Variants in PPP2R3A observed in about 807,000 individuals in gnomAD.
PPP2R3A encodes the protein serine/threonine-protein phosphatase 2A regulatory subunit B'' subunit alpha.
PPP2R3A carries 80 observed loss-of-function variants against 106.9 expected under a neutral mutation model. That is an observed-to-expected ratio of 0.75 (90% CI 0.62 to 0.90). The LOEUF (loss-of-function observed/expected upper bound fraction) is 0.90. Among genes scored for constraint, PPP2R3A ranks in the 40% least tolerant of loss-of-function variants. PPP2R3A has a pLI of 0.00. For synonymous variants in PPP2R3A, 483 were observed against 468.3 expected, an observed-to-expected ratio of 1.03 and a Z score of -0.41; for missense variants, 1,386 against 1,350.4, an observed-to-expected ratio of 1.03 and a Z score of -0.41.
intron 1 of PPP2R3A, among the ~76,000 whole-genome samples, chr3:135,991,360 C>G (rs1407661428): frequency 1.3e-5 from 2 of 152,010 alleles, no homozygotes; most frequent in Non-Finnish European, 2.9e-5. Flanking sequence ...TAAAAAAATA[C>G]TTAGAAAAGG....
chr3:135,988,040 T>G (rs936718236), intron 1 of PPP2R3A, among the ~76,000 whole-genome samples: 4 of 152,096 alleles, frequency 2.6e-5, no homozygotes, highest in African/African-American at 7.2e-5. Context: ...ATCTGTCCCC[T>G]AAACTCCAGG....
intron 12 of PPP2R3A, among the ~76,000 whole-genome samples, chr3:136,104,053 G>C (rs750737048): frequency 6.6e-6 from 1 of 152,144 alleles, no homozygotes; most frequent in Non-Finnish European, 1.5e-5. Context: ...TGTTGCAGTT[G>C]AGTAACAGTA....
chr3:136,114,357 C>T (rs1937658538), intron 13 of PPP2R3A, among the ~76,000 whole-genome samples: 1 of 152,218 alleles, frequency 6.6e-6, no homozygotes, highest in Non-Finnish European at 1.5e-5. Context: ...AGACACCGAG[C>T]TTCAGGAGTT....
intron 5 of PPP2R3A, among the ~76,000 whole-genome samples, chr3:136,059,372 GA>G (rs1389032382): frequency 2.6e-5 from 4 of 151,920 alleles, no homozygotes; most frequent in Non-Finnish European, 4.4e-5. Flanking sequence ...ACGATCATAT[GA>G]AAAAAAACTC....
At position 136,145,137 on chromosome 3, in the gene PPP2R3A, G is replaced by A. The variant is rs777298828; in HGVS notation, c.3424G>A (p.Gly1142Arg). The A allele has an allele frequency of 1.2e-6, 2 of 1,613,162 alleles. No homozygotes were observed. Among genetic ancestry groups the A allele is most frequent in the Non-Finnish European group, 8.5e-7 (1 of 1,179,622 alleles). The change falls in exon 14 of 14, where the codon GGA becomes AGA. Residue 1142 changes from glycine (G) to arginine (R), a missense_variant. Gly to Arg is a moderately radical substitution (Grantham distance 125). Transcript: ENST00000264977. ...AAGTGCAAGCCTTCCAGAGAAATGT[G>A]GAAAGCTTCAATCAGTGGATGAAGA... ...ILSASLPEKC[G>R]KLQSVDEE
At chr3:136,066,029 G>T (rs2400731) in intron 5 of PPP2R3A, among the ~76,000 whole-genome samples, 142,445 of 152,222 alleles carry the variant, frequency 0.94, 66,775 homozygotes, top group East Asian at 1. Flanking sequence ...GAAAATAAAT[G>T]TGAAATCCTA....
intron 1 of PPP2R3A, among the ~76,000 whole-genome samples, chr3:135,974,813 G>A (rs974029925): frequency 1.3e-5 from 2 of 152,182 alleles, no homozygotes; most frequent in Admixed American, 1.3e-4. Flanking sequence ...TCCTCCAGTT[G>A]AAAAAGCAGC....
chr3:136,084,669 A>G (rs1446386880), intron 8 of PPP2R3A, among the ~76,000 whole-genome samples: 1 of 152,240 alleles, frequency 6.6e-6, no homozygotes, highest in Non-Finnish European at 1.5e-5. Flanking sequence ...GAAAGCAGCA[A>G]GGAAGGGAGC....
chr3:136,103,237 G>T, intron 11 of PPP2R3A, 21 bp from the exon 12 acceptor site: 2 of 1,512,368 alleles, frequency 1.3e-6, no homozygotes, highest in African/African-American at 1.4e-5. Flanking sequence ...AAATTTACCA[G>T]ATTTGTTTAT....
Position 136,030,272 on chromosome 3 carries a change from G to A in PPP2R3A, c.2262+3174G>A, listed in dbSNP as rs1456949988. Among the ~76,000 whole-genome samples the A allele has an allele frequency of 2.7e-5, 4 of 150,662 alleles. No individual in the cohort carries two copies. The East Asian group carries it at 7.8e-4, about 29-fold the overall frequency. ...ATATAATTACCTGGGAAGTTGAGGG[G>A]GATGTGTATATAATTACCTGAAAAG... On this transcript the variant is annotated intron_variant, in intron 3 of 13. Coordinates refer to ENST00000264977, the MANE Select transcript of PPP2R3A (RefSeq NM_002718.5).
intron 4 of PPP2R3A, among the ~76,000 whole-genome samples, chr3:136,043,070 T>G: frequency 6.6e-6 from 1 of 151,686 alleles, no homozygotes; most frequent in African/African-American, 2.4e-5. Flanking sequence ...TTATACAGAA[T>G]TAAAACATTT....
intron 13 of PPP2R3A, among the ~76,000 whole-genome samples, chr3:136,109,361 C>A (rs1032676356): frequency 6.6e-6 from 1 of 152,074 alleles, no homozygotes. Context: ...GCAAATATTT[C>A]TAGATCAGTG....
intron 13 of PPP2R3A, among the ~76,000 whole-genome samples, chr3:136,141,706 C>CATT (rs1303539873): frequency 6.6e-6 from 1 of 152,212 alleles, no homozygotes; most frequent in Non-Finnish European, 1.5e-5. Context: ...TGTACAGTGG[C>CATT]ATTAGGTCCC....
intron 12 of PPP2R3A, among the ~76,000 whole-genome samples, chr3:136,104,687 G>T (rs967692022): frequency 6.6e-6 from 1 of 152,144 alleles, no homozygotes; most frequent in African/African-American, 2.4e-5. Context: ...TTTTATAAAT[G>T]TTAGAAGGAT....
At position 136,126,251 on chromosome 3, in the gene PPP2R3A, C is replaced by T. The variant is rs6776341; in HGVS notation, c.3330-18792C>T. ...AGCCGTGACAGACTACCTGGAAAAA[C>T]GGGACACTCACACCTAAATACTGCG... On this transcript the variant is annotated intron_variant, in intron 13 of 13. Coordinates refer to ENST00000264977, the MANE Select transcript of PPP2R3A (RefSeq NM_002718.5). 3.1e-3 allele frequency among the ~76,000 whole-genome samples: 477 copies of T among 152,344 alleles called. 6 individuals carry two copies. The highest frequency in any genetic ancestry group is 0.011 in the African/African-American group (455 of 41,578).
chr3:136,012,951 C>G (rs1202818978), intron 2 of PPP2R3A, among the ~76,000 whole-genome samples: 2 of 152,134 alleles, frequency 1.3e-5, no homozygotes, highest in East Asian at 1.9e-4. Context: ...ACCCCCTTCC[C>G]ACCCTTCCTC....
intron 1 of PPP2R3A, among the ~76,000 whole-genome samples, chr3:135,989,102 G>A (rs183133065): frequency 3.4e-4 from 52 of 152,136 alleles, no homozygotes; most frequent in Non-Finnish European, 6.2e-4. Flanking sequence ...CAAATAAAAC[G>A]TTTTTTGGAG....
chr3:136,090,044 G>T (rs184986343), intron 9 of PPP2R3A, among the ~76,000 whole-genome samples: 1 of 152,190 alleles, frequency 6.6e-6, no homozygotes, highest in Non-Finnish European at 1.5e-5. Context: ...GAATCATGTT[G>T]TCAGCAAAGA....
chr3:136,062,889 A>G (rs1446239002), intron 5 of PPP2R3A, among the ~76,000 whole-genome samples: 5 of 152,158 alleles, frequency 3.3e-5, no homozygotes, highest in Non-Finnish European at 5.9e-5. Flanking sequence ...CAAGCTGCCA[A>G]TGACTTTCTT....
Sources: allele counts gnomAD v4.1 joint callset (sites outside exome capture counted in the v4.1 genomes callset), GRCh38; gene constraint gnomAD v4.1.1; transcripts MANE v1.5; gene names NCBI Gene and HGNC (gene_info 2026-07-23, HGNC 2026-07-21).